Variants in WLS observed in about 807,000 individuals in gnomAD.
WLS encodes protein wntless homolog.
In WLS, 23 loss-of-function variants were observed where a neutral mutation model predicts 62.8. The observed-to-expected ratio is 0.37, with a 90% CI of 0.26 to 0.52. The LOEUF (loss-of-function observed/expected upper bound fraction) is 0.52, where lower values mean the gene tolerates loss of function less well. Among genes scored for constraint, WLS ranks in the 20% least tolerant of loss-of-function variants. WLS has a pLI of 0.92. For synonymous variants in WLS, 246 were observed against 244.1 expected (o/e 1.01, Z -0.07); for missense variants, 615 against 697.3 (o/e 0.88, Z 1.33).
At chr1:68,154,686 C>T (rs1210921852) in intron 4 of WLS, among the ~76,000 whole-genome samples, 1 of 152,164 alleles carries the variant, frequency 6.6e-6, no homozygotes. Flanking sequence ...AAAGAAATGG[C>T]CTCCTTGCAG....
chr1:68,135,959 T>C (rs1290483857), intron 11 of WLS, among the ~76,000 whole-genome samples: 1 of 152,174 alleles, frequency 6.6e-6, no homozygotes, highest in African/African-American at 2.4e-5. Flanking sequence ...CAAACCAAAG[T>C]TGGGCAGGGG....
chr1:68,194,279 G>A (rs748906846), intron 1 of WLS, 52 bp from the exon 2 acceptor site: 1 of 1,587,630 alleles, frequency 6.3e-7, no homozygotes, highest in Admixed American at 1.7e-5. Context: ...TGAAACTACT[G>A]TTTCTGGTTA....
intron 1 of WLS, among the ~76,000 whole-genome samples, chr1:68,200,420 G>T (rs1648940871): frequency 8.3e-6 from 1 of 120,916 alleles, no homozygotes. Context: ...ACTAGAACTG[G>T]TTATTAGCCT....
intron 10 of WLS, chr1:68,138,380 C>G (rs1268580393): frequency 2.5e-5 from 4 of 157,342 alleles, no homozygotes; most frequent in Non-Finnish European, 5.6e-5. Flanking sequence ...TAATTCAAAT[C>G]CAGTGTCTAC....
chr1:68,110,688 T>TCTCTCTCTCTCTCTCCCTCTCC (rs1390457595), intron 11 of WLS, among the ~76,000 whole-genome samples: 1 of 149,974 alleles, frequency 6.7e-6, no homozygotes, highest in African/African-American at 2.5e-5. Flanking sequence ...TCTCTCTCTC[T>TCTCTCTCTCTCTCTCCCTCTCC]CTCCATATAT....
At chr1:68,131,936 G>A (rs966137592) in intron 11 of WLS, among the ~76,000 whole-genome samples, 20 of 152,156 alleles carry the variant, frequency 1.3e-4, no homozygotes, top group African/African-American at 4.6e-4. Flanking sequence ...GAGAGGTCTC[G>A]GAAGAAACCC....
At chr1:68,101,241 AAAT>A (rs1168212560) in intron 11 of WLS, among the ~76,000 whole-genome samples, 3 of 152,196 alleles carry the variant, frequency 2.0e-5, no homozygotes, top group Non-Finnish European at 4.4e-5. Context: ...AGAAGAAATG[AAAT>A]AATACAAAGC....
intron 2 of WLS, among the ~76,000 whole-genome samples, chr1:68,170,806 C>A (rs1647142101): frequency 6.6e-6 from 1 of 152,118 alleles, no homozygotes; most frequent in Non-Finnish European, 1.5e-5. Flanking sequence ...TTATCCCCAT[C>A]TCTCTCCCTA....
chr1:68,106,646 T>G (rs993740797), intron 11 of WLS, among the ~76,000 whole-genome samples: 1 of 152,148 alleles, frequency 6.6e-6, no homozygotes, highest in African/African-American at 2.4e-5. Flanking sequence ...GTGCTTCTCA[T>G]GCATAGACAG....
At chr1:68,133,476 T>A (rs904569442) in intron 11 of WLS, among the ~76,000 whole-genome samples, 30 of 152,184 alleles carry the variant, frequency 2.0e-4, no homozygotes, top group African/African-American at 7.2e-4. Flanking sequence ...GGACTATGTC[T>A]CTGTCACTCC....
At chr1:68,162,462 G>A (rs552741617) in intron 2 of WLS, 1 of 1,613,792 alleles carries the variant, frequency 6.2e-7, no homozygotes, top group African/African-American at 1.3e-5. Context: ...GCAAGTAGGG[G>A]TCATAAAATA....
chr1:68,153,654 C>T lies in WLS; in HGVS notation c.667-1G>A. 6.2e-7 allele frequency: 1 copy of T among 1,614,070 alleles called. No homozygotes were observed. Among genetic ancestry groups the T allele is most frequent in the Admixed American group, 1.7e-5 (1 of 60,010 alleles). On this transcript the variant is annotated splice_acceptor_variant, in intron 4 of 11. Transcript: ENST00000262348. LOFTEE classifies it high-confidence loss of function. ...TGAAGCCTCCATTTTGGTGGATCCC[C>T]TAGGCAGAGACCAGTGATAATTTTG...
intron 2 of WLS, chr1:68,183,384 A>C (rs893021596): frequency 8.5e-6 from 2 of 235,222 alleles, no homozygotes; most frequent in African/African-American, 4.6e-5. Context: ...CAGAAATACA[A>C]TTATGTGAAT....
At chr1:68,221,517 T>C (rs1036002583) in intron 1 of WLS, among the ~76,000 whole-genome samples, 4 of 152,224 alleles carry the variant, frequency 2.6e-5, no homozygotes, top group African/African-American at 9.6e-5. Context: ...AAGAAAGGAA[T>C]GTCTTTTCTA....
chr1:68,131,910 A>C (rs1179525030), intron 11 of WLS, among the ~76,000 whole-genome samples: 1 of 152,244 alleles, frequency 6.6e-6, no homozygotes, highest in Non-Finnish European at 1.5e-5. Context: ...GAAAGTATCC[A>C]TCTACAAGCC....
At chr1:68,167,061 T>C (rs1438606263) in intron 2 of WLS, among the ~76,000 whole-genome samples, 1 of 152,194 alleles carries the variant, frequency 6.6e-6, no homozygotes, top group Non-Finnish European at 1.5e-5. Flanking sequence ...AGGTCAATCT[T>C]AGCAGACCTG....
chr1:68,146,988 C>T (rs1293210747), intron 8 of WLS, among the ~76,000 whole-genome samples: 4 of 152,050 alleles, frequency 2.6e-5, no homozygotes, highest in African/African-American at 9.7e-5. Context: ...CAGGTTCAAG[C>T]GATTCTCCTG....
chr1:68,201,990 T>G (rs1354197917), intron 1 of WLS: 1 of 152,230 alleles, frequency 6.6e-6, no homozygotes, highest in Non-Finnish European at 1.5e-5. Context: ...TTTTAAATGC[T>G]TCGCCTACAA....
intron 11 of WLS, among the ~76,000 whole-genome samples, chr1:68,130,283 T>C (rs937459698): frequency 6.6e-6 from 1 of 152,170 alleles, no homozygotes; most frequent in Non-Finnish European, 1.5e-5. Context: ...CTAGAGGTCT[T>C]CTAATATTAA....
Sources: allele counts gnomAD v4.1 joint callset (sites outside exome capture counted in the v4.1 genomes callset), GRCh38; gene constraint gnomAD v4.1.1; transcripts MANE v1.5; gene names NCBI Gene and HGNC (gene_info 2026-07-23, HGNC 2026-07-21).